The following FSTL4 variants were observed in gnomAD, a reference collection of about 807,000 sequenced individuals.
The protein encoded by FSTL4 is follistatin like 4.
FSTL4 carries 28 observed loss-of-function variants against 78.2 expected under a neutral mutation model. The ratio of observed to expected loss-of-function variants is 0.36; its 90% CI spans 0.27 to 0.49. The LOEUF is 0.49. Among genes scored for constraint, FSTL4 ranks in the 20% least tolerant of loss-of-function variants. FSTL4 has a pLI of 0.98. For synonymous variants in FSTL4, 422 were observed against 440.5 expected, an observed-to-expected ratio of 0.96 and a Z score of 0.53; for missense variants, 922 against 1,084.9, an observed-to-expected ratio of 0.85 and a Z score of 2.11.
At position 133,316,717 on chromosome 5, in the gene FSTL4, C is replaced by T. The variant is rs114367825; in HGVS notation, c.410-65G>A. ...CGTGGTCTTGAGAGAACATTCTTGCCGCTGGTCCATTCATCTCACTCACAA... is the reference window on the plus strand; with the variant it reads ...CGTGGTCTTGAGAGAACATTCTTGCTGCTGGTCCATTCATCTCACTCACAA... On this transcript the variant is annotated intron_variant, in intron 4 of 15. Coordinates refer to ENST00000265342, the MANE Select transcript of FSTL4 (RefSeq NM_015082.2). 1.8e-3 allele frequency: 2,489 copies of T among 1,361,518 alleles called. 37 individuals carry two copies. In the African/African-American group the frequency reaches 0.03, roughly 16 times the overall value. The allele number at this position is 1,361,518 out of a possible 1,614,324, so 84.3% of individuals were successfully genotyped here.
the FSTL4 span, among the ~76,000 whole-genome samples, chr5:133,669,485 C>T: frequency 6.6e-6 from 1 of 152,214 alleles, no homozygotes; most frequent in South Asian, 2.1e-4. Flanking sequence ...CATCCTTCAG[C>T]CAGGGAGGTG....
At chr5:133,430,349 T>A (rs1246777735) in intron 3 of FSTL4, among the ~76,000 whole-genome samples, 2 of 152,204 alleles carry the variant, frequency 1.3e-5, no homozygotes, top group African/African-American at 4.8e-5. Flanking sequence ...GATTTCCACA[T>A]GTCTCAGAGG....
At chr5:133,317,658 G>T (rs1347387825) in intron 4 of FSTL4, among the ~76,000 whole-genome samples, 1 of 152,258 alleles carries the variant, frequency 6.6e-6, no homozygotes, top group African/African-American at 2.4e-5. Context: ...GAGCTCTGAG[G>T]TCCCCTGGGT....
the FSTL4 span, among the ~76,000 whole-genome samples, chr5:133,838,375 C>T: frequency 3.3e-5 from 5 of 152,238 alleles, no homozygotes; most frequent in African/African-American, 1.2e-4. Context: ...TTATCTCCCA[C>T]AGTTACTGTA....
the FSTL4 span, among the ~76,000 whole-genome samples, chr5:133,794,458 A>G: frequency 6.6e-6 from 1 of 152,222 alleles, no homozygotes; most frequent in East Asian, 1.9e-4. Context: ...CTCTATGGGC[A>G]GGAAAGCCTG....
rs1756079751 is a variant in FSTL4, at chr5:133,397,183, TAC to T, written c.409+3553_409+3554del. On this transcript the variant is annotated intron_variant, in intron 4 of 15. Transcript: ENST00000265342. ...AAATGAGTTTAAAAGTGCCAACTAATACACAAATAGGAATGCGATGTCACAAG... is the reference window on the plus strand; with the variant it reads ...AAATGAGTTTAAAAGTGCCAACTAATACAAATAGGAATGCGATGTCACAAG... 2.0e-5 allele frequency among the ~76,000 whole-genome samples: 3 copies of T among 152,348 alleles called. No homozygotes were observed. The South Asian group carries it at 6.2e-4, about 32-fold the overall frequency.
At chr5:133,533,388 G>C (rs2112911143) in intron 3 of FSTL4, among the ~76,000 whole-genome samples, 1 of 152,264 alleles carries the variant, frequency 6.6e-6, no homozygotes, top group African/African-American at 2.4e-5. Flanking sequence ...AGGACTACAG[G>C]CTTGTAGCAA....
the FSTL4 span, among the ~76,000 whole-genome samples, chr5:133,796,410 G>C: frequency 1.3e-5 from 2 of 152,186 alleles, no homozygotes; most frequent in Admixed American, 6.5e-5. Flanking sequence ...CCTGTATCCC[G>C]AGCTCTGGTC....
At chr5:133,705,869 G>GCACACACACA in the FSTL4 span, among the ~76,000 whole-genome samples, 386 of 147,892 alleles carry the variant, frequency 2.6e-3, no homozygotes, top group African/African-American at 3.8e-3. Context: ...ACACACACAC[G>GCACACACACA]CACACACACA....
the FSTL4 span, among the ~76,000 whole-genome samples, chr5:133,746,515 C>T: frequency 6.6e-6 from 1 of 151,892 alleles, no homozygotes; most frequent in Non-Finnish European, 1.5e-5. Context: ...AAATAGTGAG[C>T]AGAAAGGTTT....
upstream of FSTL4, among the ~76,000 whole-genome samples, chr5:133,617,116 T>C (rs1761213248): frequency 6.6e-6 from 1 of 151,970 alleles, no homozygotes; most frequent in Admixed American, 6.6e-5. Context: ...CCGGCCAACA[T>C]GGTGAAACTC....
At chr5:133,689,213 G>A in the FSTL4 span, among the ~76,000 whole-genome samples, 1 of 151,988 alleles carries the variant, frequency 6.6e-6, no homozygotes, top group Non-Finnish European at 1.5e-5. Context: ...CCTTGCCTTA[G>A]TTCCACAACA....
chr5:133,305,931 A>T (rs967357599), intron 6 of FSTL4, among the ~76,000 whole-genome samples: 11 of 152,036 alleles, frequency 7.2e-5, no homozygotes, highest in African/African-American at 2.7e-4. Flanking sequence ...CCAGGAGCTC[A>T]CCCTGCTTTC....
the FSTL4 span, among the ~76,000 whole-genome samples, chr5:133,722,132 G>C: frequency 6.6e-6 from 1 of 152,084 alleles, no homozygotes; most frequent in East Asian, 1.9e-4. Flanking sequence ...TGGGAACCCA[G>C]CCACATAGCA....
the FSTL4 span, among the ~76,000 whole-genome samples, chr5:133,734,818 G>C: frequency 6.6e-6 from 1 of 151,864 alleles, no homozygotes; most frequent in South Asian, 2.1e-4. Context: ...TCAGATCCTG[G>C]TTATCCGTGT....
chr5:133,229,147 C>T (rs1304062517), intron 8 of FSTL4, among the ~76,000 whole-genome samples: 2 of 152,190 alleles, frequency 1.3e-5, no homozygotes, highest in Non-Finnish European at 1.5e-5. Context: ...GAGAGAGATG[C>T]TCTTGGATAG....
intron 3 of FSTL4, among the ~76,000 whole-genome samples, chr5:133,442,145 T>A: frequency 6.6e-6 from 1 of 152,202 alleles, no homozygotes; most frequent in East Asian, 1.9e-4. Context: ...CTCAACTGAT[T>A]ATCTGAGGTG....
At chr5:133,727,540 C>T in the FSTL4 span, among the ~76,000 whole-genome samples, 2 of 152,184 alleles carry the variant, frequency 1.3e-5, no homozygotes, top group African/African-American at 2.4e-5. Context: ...TCAATAATTT[C>T]TCCAAGAGCC....
chr5:133,719,795 T>G, the FSTL4 span, among the ~76,000 whole-genome samples: 13 of 152,104 alleles, frequency 8.5e-5, no homozygotes. Context: ...GTATGCCAAT[T>G]TTCAGTTATT....
Sources: gnomAD v4.1 joint callset for allele counts (sites outside exome capture counted in the v4.1 genomes callset) on GRCh38, gnomAD v4.1.1 for gene constraint, MANE v1.5 for transcripts, NCBI Gene and HGNC (gene_info 2026-07-23, HGNC 2026-07-21) for gene names.